The following FBF1 variants were observed in gnomAD, a reference collection of about 807,000 sequenced individuals.
FBF1 encodes fas-binding factor 1.
FBF1 carries 119 observed loss-of-function variants against 147.2 expected under a neutral mutation model. The ratio of observed to expected loss-of-function variants is 0.81; its 90% CI spans 0.70 to 0.94. FBF1 has a LOEUF of 0.94. Among genes scored for constraint, FBF1 ranks in the 40% least tolerant of loss-of-function variants. The probability of loss-of-function intolerance (pLI) is 0.00; values close to 1 mark genes in which losing one functional copy is unlikely to be tolerated. For synonymous variants in FBF1, 601 were observed against 609.0 expected, an observed-to-expected ratio of 0.99 and a Z score of 0.19; for missense variants, 1,449 against 1,500.8, an observed-to-expected ratio of 0.97 and a Z score of 0.57.
chr17:75,921,185 CT>C, intron 17 of FBF1, 58 bp downstream of exon 17: 1 of 1,520,612 alleles, frequency 6.6e-7, no homozygotes, highest in Non-Finnish European at 8.9e-7. Flanking sequence ...GGTATTGCCC[CT>C]GGGCATGGAG....
chr17:75,937,464 C>G, intron 3 of FBF1, 102 bp downstream of exon 3: 3 of 1,416,530 alleles, frequency 2.1e-6, no homozygotes, highest in South Asian at 2.4e-5. Flanking sequence ...GCCACCGTGC[C>G]CGGCCCAAAA....
chr17:75,914,067 TGGGTCAGGGCTGCCTG>T lies in FBF1; in HGVS notation c.2992-33_2992-18del. Reference sequence around the variant, plus strand: ...GGAGGCCACCTGCAGGGAGGCCGCCTGGGTCAGGGCTGCCTGGGCTCAGATGCGCCCACGCCCATGT... The same window carrying T: ...GGAGGCCACCTGCAGGGAGGCCGCCTGGCTCAGATGCGCCCACGCCCATGT... On this transcript the variant is annotated intron_variant, in intron 26 of 29. Coordinates refer to ENST00000636174, the MANE Select transcript of FBF1 (RefSeq NM_001319193.2). 1 of 1,592,584 alleles carries T rather than the reference TGGGTCAGGGCTGCCTG, an allele frequency of 6.3e-7. No individual in the cohort carries two copies. The highest frequency in any genetic ancestry group is 8.5e-7 in the Non-Finnish European group (1 of 1,175,676).
chr17:75,912,070 A>C, intron 29 of FBF1, 122 bp downstream of exon 29: 2 of 893,754 alleles, frequency 2.2e-6, no homozygotes, highest in South Asian at 1.5e-5. Flanking sequence ...AGCAAACTGC[A>C]GTTTTACTCC....
intron 6 of FBF1, among the ~76,000 whole-genome samples, chr17:75,930,336 C>T (rs549895509): frequency 1.3e-5 from 2 of 152,328 alleles, no homozygotes; most frequent in African/African-American, 2.4e-5. Context: ...CTACTTCCCA[C>T]CCATGCCAAT....
intron 18 of FBF1, 49 bp downstream of exon 18, chr17:75,920,225 C>G: frequency 3.1e-6 from 5 of 1,596,730 alleles, no homozygotes; most frequent in Non-Finnish European, 4.3e-6. Flanking sequence ...TCAGTGTCCC[C>G]TCCTGTCGCA....
In FBF1 at chr17:75,919,002, G is replaced by A. The variant is rs1463025297; in HGVS notation, c.2138+666C>T. Among the ~76,000 whole-genome samples, 1 of 151,950 alleles carries A rather than the reference G, an allele frequency of 6.6e-6. No homozygotes were observed. The highest frequency in any genetic ancestry group is 1.5e-5 in the Non-Finnish European group (1 of 67,974). ...TAGCTCATTGCAGCCCTGATCTCTT[G>A]GGCTGAAGGTATCCTCCTGCCTCAG... On this transcript the variant is annotated intron_variant, in intron 20 of 29. Transcript: ENST00000636174. This position sits in a 1 kb window ranked among gnomAD's most constrained non-coding sequence, Gnocchi z 5.0.
At chr17:75,916,318 T>TA (rs567156626) in intron 23 of FBF1, among the ~76,000 whole-genome samples, 9 of 132,514 alleles carry the variant, frequency 6.8e-5, no homozygotes, top group East Asian at 6.7e-4. Flanking sequence ...ACCCCATCTC[T>TA]AAAAAAAATT....
chr17:75,933,153 G>A (rs370075039), intron 4 of FBF1, 65 bp from the exon 5 acceptor site: 10 of 1,281,416 alleles, frequency 7.8e-6, no homozygotes, highest in Middle Eastern at 3.7e-4. Context: ...AGATGCAAAG[G>A]CTGGCAAGCT....
Position 75,928,022 on chromosome 17 carries a change from A to G in FBF1, c.397+54T>C. 1 of 1,421,036 alleles carries G rather than the reference A, an allele frequency of 7.0e-7. No individual in the cohort carries two copies. Among genetic ancestry groups the G allele is most frequent in the Non-Finnish European group, 9.9e-7 (1 of 1,011,678 alleles). The allele number at this position is 1,421,036 out of a possible 1,614,324, so 88.0% of individuals were successfully genotyped here. A position where few individuals can be genotyped will look rare whatever the true frequency, so the allele number is the denominator to read the frequency against. ...TCTTCCACGTCCTCAAAGTCTCCCT[A>G]GCAGATGCGAGGAGCCGTCTCCCAT... On this transcript the variant is annotated intron_variant, in intron 8 of 29. Transcript: ENST00000636174. This position sits in a 1 kb window ranked among gnomAD's most constrained non-coding sequence, Gnocchi z 4.2.
At position 75,926,729 on chromosome 17, in the gene FBF1, G is replaced by T. The variant is rs1268618010; in HGVS notation, c.595+29C>A. 3 of 1,600,084 alleles carry T rather than the reference G, an allele frequency of 1.9e-6. No homozygotes were observed. The Admixed American group carries it at 5.2e-5, about 28-fold the overall frequency. Reference sequence around the variant, plus strand: ...TTGTTGCCAATAAACTCTTCCTCCAGGATGGGAAATGAGCCCACTCCACCC... The same window carrying T: ...TTGTTGCCAATAAACTCTTCCTCCATGATGGGAAATGAGCCCACTCCACCC... On this transcript the variant is annotated intron_variant, in intron 10 of 29. Transcript: ENST00000636174.
Position 75,937,739 on chromosome 17 carries a change from T to G in FBF1, c.4-146A>C, listed in dbSNP as rs1019083402. On this transcript the variant is annotated intron_variant, in intron 2 of 29. Coordinates refer to ENST00000636174, the MANE Select transcript of FBF1 (RefSeq NM_001319193.2). ...CATTTAGAGATGTAAGTCCTTTATG[T>G]GTTCCTATAGTTTCTGAGAACGGAC... is the stretch of plus-strand genomic sequence containing the variant. 1.2e-5 allele frequency: 10 copies of G among 843,292 alleles called. No individual in the cohort carries two copies. In the African/African-American group the frequency reaches 1.7e-4, roughly 14 times the overall value. 52.2% of individuals were successfully genotyped at this position (843,292 alleles called of 1,614,324 possible).
At position 75,917,645 on chromosome 17, in the gene FBF1, T is replaced by A. The variant is rs561468419; in HGVS notation, c.2505+87A>T. On this transcript the variant is annotated intron_variant, in intron 23 of 29. Coordinates refer to ENST00000636174, the MANE Select transcript of FBF1 (RefSeq NM_001319193.2). Reference sequence around the variant, plus strand: ...GCCTTGACCTCCTGAGGAAGTGAGGTCACGGGAGTGCCGCTACACTTGCGG... The same window carrying A: ...GCCTTGACCTCCTGAGGAAGTGAGGACACGGGAGTGCCGCTACACTTGCGG... 1.5e-4 allele frequency: 180 copies of A among 1,230,956 alleles called. 4 individuals carry two copies. In the East Asian group the frequency reaches 4.5e-3, roughly 31 times the overall value. The allele number at this position is 1,230,956 out of a possible 1,614,324, so 76.3% of individuals were successfully genotyped here.
Position 75,923,526 on chromosome 17 carries a change from G to A in FBF1, c.1084C>T (p.Leu362Phe), listed in dbSNP as rs778607618. 6.2e-7 allele frequency: 1 copy of A among 1,605,926 alleles called. No homozygotes were observed. The highest frequency in any genetic ancestry group is 8.5e-7 in the Non-Finnish European group (1 of 1,176,538). The change falls in exon 14 of 30, where the codon CTC becomes TTC. Residue 362 changes from leucine (L) to phenylalanine (F), a missense_variant. Leu to Phe is a conservative substitution (Grantham distance 22). Coordinates refer to ENST00000636174, the MANE Select transcript of FBF1 (RefSeq NM_001319193.2). This position sits in a 1 kb window ranked among gnomAD's most constrained non-coding sequence, Gnocchi z 4.1. ...AACAGGTCCAAGTCCTCGTCCTTGAGGCCCAACCAGTCAGCTCCTCCCTTC... is the reference window on the plus strand; with the variant it reads ...AACAGGTCCAAGTCCTCGTCCTTGAAGCCCAACCAGTCAGCTCCTCCCTTC... ...PRKGGADWLG[L>F]KDEDLDLFPA... is the part of the protein sequence containing the mutation.
At chr17:75,940,606 T>A (rs952847504) in intron 1 of FBF1, 1 of 153,568 alleles carries the variant, frequency 6.5e-6, no homozygotes, top group East Asian at 1.9e-4. Flanking sequence ...AGTCCAAATG[T>A]GTCCCATAAC....
Position 75,921,243 on chromosome 17 carries a change from C to T in FBF1, c.1674+1G>A, listed in dbSNP as rs570563878. The T allele has an allele frequency of 2.3e-5, 37 of 1,583,540 alleles. No homozygotes were observed. Among genetic ancestry groups the T allele is most frequent in the Non-Finnish European group, 3.2e-5 (37 of 1,164,784 alleles). On this transcript the variant is annotated splice_donor_variant, in intron 17 of 29. Transcript: ENST00000636174. LOFTEE classifies it high-confidence loss of function. ...CTAGACCTGTCTGCCCACACCCCTA[C>T]CTGGACGGGCACGGAAGGCTCTGTG...
In FBF1 at chr17:75,918,318, T is replaced by C. The variant is rs777459504; in HGVS notation, c.2139-49A>G. 2.0e-6 allele frequency: 3 copies of C among 1,496,634 alleles called. No individual in the cohort carries two copies. Among genetic ancestry groups the C allele is most frequent in the Non-Finnish European group, 2.8e-6 (3 of 1,085,964 alleles). 92.7% of individuals were successfully genotyped at this position (1,496,634 alleles called of 1,614,324 possible). ...GCGGTCACTCTGAGCTGGATCACCC[T>C]GATGCGGTAACTCCTTGTGGAAGGG... On this transcript the variant is annotated intron_variant, in intron 20 of 29. Coordinates refer to ENST00000636174, the MANE Select transcript of FBF1 (RefSeq NM_001319193.2). This position sits in a 1 kb window ranked among gnomAD's most constrained non-coding sequence, Gnocchi z 5.8.
At chr17:75,932,789 G>A (rs537344944) in intron 5 of FBF1, among the ~76,000 whole-genome samples, 45 of 151,594 alleles carry the variant, frequency 3.0e-4, no homozygotes, top group African/African-American at 1.1e-3. Context: ...GGGAGGCTGA[G>A]ACAGGAGAAT....
intron 3 of FBF1, among the ~76,000 whole-genome samples, chr17:75,936,399 G>A (rs6501842): frequency 0.09 from 13,696 of 151,934 alleles, 1,787 homozygotes; most frequent in African/African-American, 0.29. Flanking sequence ...GGATGAGGCA[G>A]GAGAATTGCT....
chr17:75,919,798 C>G lies in FBF1; in HGVS notation c.2008G>C (p.Ala670Pro). 6.2e-7 allele frequency: 1 copy of G among 1,613,834 alleles called. No homozygotes were observed. Among genetic ancestry groups the G allele is most frequent in the Non-Finnish European group, 8.5e-7 (1 of 1,179,884 alleles). The change falls in exon 20 of 30, where the codon GCT becomes CCT. Residue 670 changes from alanine to proline, a missense_variant. Transcript: ENST00000636174. This position sits in a 1 kb window ranked among gnomAD's most constrained non-coding sequence, Gnocchi z 5.0. ...TCCTGGCACTGCGACAGATACCGAG[C>G]TGACAGCTCTTCGTTCTCTCTCCGG... ...RLRRENEELSARYLSQCQEAE... is the reference protein window; with the variant it reads ...RLRRENEELSPRYLSQCQEAE...
Sources: gnomAD v4.1 joint callset for allele counts (sites outside exome capture counted in the v4.1 genomes callset) on GRCh38, gnomAD v4.1.1 for gene constraint, Gnocchi (gnomAD v3.1) non-coding constraint, MANE v1.5 for transcripts, NCBI Gene and HGNC (gene_info 2026-07-23, HGNC 2026-07-21) for gene names.